Variants in SV2B observed in about 807,000 individuals in gnomAD.
The protein encoded by SV2B is synaptic vesicle glycoprotein 2B, also known as solute carrier family 22 member B2.
A neutral mutation model predicts 73.9 loss-of-function variants in SV2B; 41 were observed. The observed-to-expected ratio is 0.56, with a 90% CI of 0.43 to 0.72. The LOEUF (loss-of-function observed/expected upper bound fraction) is 0.72, where lower values mean the gene tolerates loss of function less well. Ranked by LOEUF, SV2B falls within the 30% of genes least tolerant of loss-of-function variation. The probability of loss-of-function intolerance (pLI) is 0.00; values close to 1 mark genes in which losing one functional copy is unlikely to be tolerated. For synonymous variants in SV2B, 314 were observed against 314.2 expected (o/e 1.00, Z 0.01); for missense variants, 764 against 857.8 (o/e 0.89, Z 1.37).
intron 2 of SV2B, among the ~76,000 whole-genome samples, chr15:91,235,568 G>A (rs1423998895): frequency 6.6e-6 from 1 of 152,026 alleles, no homozygotes; most frequent in Non-Finnish European, 1.5e-5. Flanking sequence ...AAAATCTCTC[G>A]AGGAGAAGTT....
At chr15:91,198,967 C>G (rs1354749980) in intron 1 of SV2B, among the ~76,000 whole-genome samples, 1 of 152,078 alleles carries the variant, frequency 6.6e-6, no homozygotes, top group Admixed American at 6.5e-5. Context: ...TCAGTATTAT[C>G]GAATATTATA....
chr15:91,184,834 A>T (rs1306553910), intron 1 of SV2B, among the ~76,000 whole-genome samples: 1 of 152,196 alleles, frequency 6.6e-6, no homozygotes, highest in Non-Finnish European at 1.5e-5. Flanking sequence ...AAATGTCACC[A>T]TGTTGTCTTA....
chr15:91,182,501 A>T (rs956758630), intron 1 of SV2B, among the ~76,000 whole-genome samples: 7 of 152,218 alleles, frequency 4.6e-5, no homozygotes, highest in Non-Finnish European at 1.0e-4. Flanking sequence ...TGACAATGAT[A>T]GTTCTGATGA....
rs1306221185 is a variant in SV2B, at chr15:91,105,369, C to G, written c.-392+5006C>G. Among the ~76,000 whole-genome samples, 1 of 152,086 alleles carries G rather than the reference C, an allele frequency of 6.6e-6. No individual in the cohort carries two copies. Among genetic ancestry groups the G allele is most frequent in the African/African-American group, 2.4e-5 (1 of 41,422 alleles). On this transcript the variant is annotated intron_variant, in intron 1 of 12. Coordinates refer to ENST00000394232, the MANE Select transcript of SV2B (RefSeq NM_001323032.3). The surrounding 1 kb of genome is among the most constrained non-coding windows in gnomAD (Gnocchi z 5.5). Reference sequence around the variant, plus strand: ...GTGAAGGAGTGAGCCAGACAGTTATCTGGGGAAAGACATTTCCAGGTAGGG... The same window carrying G: ...GTGAAGGAGTGAGCCAGACAGTTATGTGGGGAAAGACATTTCCAGGTAGGG...
chr15:91,164,674 G>C (rs1350812095), intron 1 of SV2B, among the ~76,000 whole-genome samples: 1 of 152,146 alleles, frequency 6.6e-6, no homozygotes, highest in Non-Finnish European at 1.5e-5. Context: ...TAAGAATTCT[G>C]CCTACCATAA....
chr15:91,208,971 AATTT>A (rs963318819), intron 1 of SV2B, among the ~76,000 whole-genome samples: 14 of 152,082 alleles, frequency 9.2e-5, no homozygotes, highest in Admixed American at 8.5e-4. Flanking sequence ...CTTTGGTAAT[AATTT>A]ATTTATTATG....
At chr15:91,134,985 A>G (rs1395584105) in intron 1 of SV2B, among the ~76,000 whole-genome samples, 5 of 143,616 alleles carry the variant, frequency 3.5e-5, no homozygotes, top group Non-Finnish European at 7.5e-5. Flanking sequence ...GTATAACAGT[A>G]TTTCTCAACC....
intron 1 of SV2B, among the ~76,000 whole-genome samples, chr15:91,193,827 A>G (rs1323399443): frequency 6.6e-6 from 1 of 152,238 alleles, no homozygotes; most frequent in African/African-American, 2.4e-5. Flanking sequence ...CAGGGACAGC[A>G]GTCCAGAAAA....
At chr15:91,235,353 T>A (rs1244243292) in intron 2 of SV2B, among the ~76,000 whole-genome samples, 1 of 152,190 alleles carries the variant, frequency 6.6e-6, no homozygotes, top group African/African-American at 2.4e-5. Context: ...GCGTTTATTA[T>A]AATACAGTCG....
In SV2B at chr15:91,283,511, A is replaced by G. The variant is rs931210204; in HGVS notation, c.1508-510A>G. Among the ~76,000 whole-genome samples the G allele has an allele frequency of 2.6e-5, 4 of 152,054 alleles. No individual in the cohort carries two copies. The highest frequency in any genetic ancestry group is 6.5e-5 in the Admixed American group (1 of 15,272). ...AATGCAGTGGCATGACCATGGCTCA[A>G]TGTAGCCTTGACCTCCTGGGCTCAA... On this transcript the variant is annotated intron_variant, in intron 10 of 12. Coordinates refer to ENST00000394232, the MANE Select transcript of SV2B (RefSeq NM_001323032.3). The surrounding 1 kb of genome is among the most constrained non-coding windows in gnomAD (Gnocchi z 4.3).
rs1402355480 is a variant in SV2B at position 91,267,751 on chromosome 15, G to A, written c.1208+108G>A. 5 of 934,490 alleles carry A rather than the reference G, an allele frequency of 5.4e-6. No individual in the cohort carries two copies. The African/African-American group carries it at 8.3e-5, about 15-fold the overall frequency. 57.9% of individuals were successfully genotyped at this position (934,490 alleles called of 1,614,324 possible). A position where few individuals can be genotyped will look rare whatever the true frequency, so the allele number is the denominator to read the frequency against. On this transcript the variant is annotated intron_variant, in intron 8 of 12. Transcript: ENST00000394232. The surrounding 1 kb of genome is among the most constrained non-coding windows in gnomAD (Gnocchi z 4.3). ...ACTTAGAATTTGTATCAGGTAGGATGCTTTGGTGGCAAGTAGCAGAAAACC... is the reference window on the plus strand; with the variant it reads ...ACTTAGAATTTGTATCAGGTAGGATACTTTGGTGGCAAGTAGCAGAAAACC...
Position 91,226,545 on chromosome 15 carries a change from G to A in SV2B, c.282G>A (p.Gln94=). The A allele has an allele frequency of 1.9e-6, 3 of 1,614,224 alleles. No homozygotes were observed. Among genetic ancestry groups the A allele is most frequent in the Non-Finnish European group, 2.5e-6 (3 of 1,180,038 alleles). ...RLEDEEQLAH[Q]YETIMDECGH... is the part of the protein sequence containing the mutation. Reference sequence around the variant, plus strand: ...AAGATGAGGAGCAGTTGGCCCACCAGTACGAGACCATCATGGATGAGTGTG... The same window carrying A: ...AAGATGAGGAGCAGTTGGCCCACCAATACGAGACCATCATGGATGAGTGTG... The change falls in exon 2 of 13, where the codon CAG becomes CAA. Residue 94 remains glutamine (Q), a synonymous_variant. Transcript: ENST00000394232.
At chr15:91,179,008 C>T (rs1007094644) in intron 1 of SV2B, among the ~76,000 whole-genome samples, 18 of 151,532 alleles carry the variant, frequency 1.2e-4, no homozygotes, top group Non-Finnish European at 1.6e-4. Flanking sequence ...TGGATCTTTC[C>T]TGCTTTCTCT....
intron 1 of SV2B, among the ~76,000 whole-genome samples, chr15:91,182,394 T>C (rs1371416361): frequency 6.6e-6 from 1 of 152,200 alleles, no homozygotes; most frequent in Non-Finnish European, 1.5e-5. Context: ...CACGCATGCA[T>C]GAATAACTAA....
At position 91,123,628 on chromosome 15, in the gene SV2B, G is replaced by A. The variant is rs867178185; in HGVS notation, c.-392+23265G>A. Among the ~76,000 whole-genome samples the A allele has an allele frequency of 7.0e-4, 106 of 152,262 alleles. No homozygotes were observed. The highest frequency in any genetic ancestry group is 2.3e-3 in the African/African-American group (97 of 41,556). Reference sequence around the variant, plus strand: ...ACTTATGGCACACAAATGGGGAGGTGTGCCTGAGGATTTGCATTTGCTGAA... The same window carrying A: ...ACTTATGGCACACAAATGGGGAGGTATGCCTGAGGATTTGCATTTGCTGAA... On this transcript the variant is annotated intron_variant, in intron 1 of 12. Transcript: ENST00000394232. The surrounding 1 kb of genome is among the most constrained non-coding windows in gnomAD (Gnocchi z 4.7).
At chr15:91,274,645 C>T (rs1211497299) in intron 9 of SV2B, among the ~76,000 whole-genome samples, 1 of 152,144 alleles carries the variant, frequency 6.6e-6, no homozygotes, top group African/African-American at 2.4e-5. Flanking sequence ...TGTACTAATA[C>T]AATTTCCATT....
chr15:91,252,016 G>C lies in SV2B; in HGVS notation c.632+17G>C, dbSNP rs757364690. The C allele has an allele frequency of 6.2e-7, 1 of 1,612,882 alleles. No homozygotes were observed. The highest frequency in any genetic ancestry group is 1.1e-5 in the South Asian group (1 of 90,926). On this transcript the variant is annotated intron_variant, in intron 3 of 12. Coordinates refer to ENST00000394232, the MANE Select transcript of SV2B (RefSeq NM_001323032.3). The surrounding 1 kb of genome is among the most constrained non-coding windows in gnomAD (Gnocchi z 4.6). ...AGGCATCGGGTATGTTCTTAGGGAGGTGGAGCTGGACCATCCCAGACCAAT... is the reference window on the plus strand; with the variant it reads ...AGGCATCGGGTATGTTCTTAGGGAGCTGGAGCTGGACCATCCCAGACCAAT...
rs932015591 is a variant in SV2B, at chr15:91,229,526, A to G, written c.451+2812A>G. Among the ~76,000 whole-genome samples, 1 of 152,132 alleles carries G rather than the reference A, an allele frequency of 6.6e-6. No individual in the cohort carries two copies. Among genetic ancestry groups the G allele is most frequent in the Non-Finnish European group, 1.5e-5 (1 of 68,022 alleles). On this transcript the variant is annotated intron_variant, in intron 2 of 12. Coordinates refer to ENST00000394232, the MANE Select transcript of SV2B (RefSeq NM_001323032.3). This position sits in a 1 kb window ranked among gnomAD's most constrained non-coding sequence, Gnocchi z 4.3. ...CCCTGGAGCCAGTTGCTTGGATTTGAATCCTTGCTGTGCCAGTTCTTAGTA... is the reference window on the plus strand; with the variant it reads ...CCCTGGAGCCAGTTGCTTGGATTTGGATCCTTGCTGTGCCAGTTCTTAGTA...
chr15:91,139,389 T>C lies in SV2B; in HGVS notation c.-392+39026T>C, dbSNP rs1418663387. On this transcript the variant is annotated intron_variant, in intron 1 of 12. Transcript: ENST00000394232. This position sits in a 1 kb window ranked among gnomAD's most constrained non-coding sequence, Gnocchi z 5.2. ...GGGAAACTTCCAAGGAACCTCTCTC[T>C]AACCCTAAATAACAACAGCCATAAT... 1.3e-5 allele frequency among the ~76,000 whole-genome samples: 2 copies of C among 152,076 alleles called. No individual in the cohort carries two copies. Among genetic ancestry groups the C allele is most frequent in the Admixed American group, 1.3e-4 (2 of 15,270 alleles).
Sources: allele counts gnomAD v4.1 joint callset (sites outside exome capture counted in the v4.1 genomes callset), GRCh38; gene constraint gnomAD v4.1.1; non-coding constraint Gnocchi (gnomAD v3.1); transcripts MANE v1.5; gene names NCBI Gene and HGNC (gene_info 2026-07-23, HGNC 2026-07-21).